RELCH: variants seen among roughly 807,000 people sequenced by gnomAD.
RELCH encodes RAB11 binding and LisH domain, coiled-coil and HEAT repeat containing.
RELCH carries 41 observed loss-of-function variants against 150.3 expected under a neutral mutation model. The observed-to-expected ratio is 0.27, with a 90% confidence interval of 0.21 to 0.35. RELCH has a LOEUF of 0.35. Ranked by LOEUF, RELCH falls within the 10% of genes least tolerant of loss-of-function variation. The pLI is 1.00. For missense variants in RELCH, 1,092 were observed against 1,467.8 expected (o/e 0.74, Z 4.18); for synonymous variants, 478 against 531.8 (o/e 0.90, Z 1.39).
intron 21 of RELCH, among the ~76,000 whole-genome samples, 169 bp from the exon 22 acceptor site, chr18:62,275,205 G>A (rs2044132373): frequency 6.6e-6 from 1 of 152,186 alleles, no homozygotes; most frequent in African/African-American, 2.4e-5. Context: ...GTGAGCCACT[G>A]CGCCTAGCCG....
chr18:62,255,599 G>C lies in RELCH; in HGVS notation c.1896+121G>C, dbSNP rs138534574. 9.0e-5 allele frequency: 65 copies of C among 722,390 alleles called. No homozygotes were observed. The African/African-American group carries it at 9.9e-4, about 11-fold the overall frequency. 44.7% of individuals were successfully genotyped at this position (722,390 alleles called of 1,614,324 possible). A position where few individuals can be genotyped will look rare whatever the true frequency, so the allele number is the denominator to read the frequency against. ...AGATGTGCTGTCTTAATAAAGAAAA[G>C]AGATGATCCAAAAAAGAGACTCACA... On this transcript the variant is annotated intron_variant, in intron 13 of 28. Transcript: ENST00000644646.
At chr18:62,250,929 A>G (rs2042671515) in intron 11 of RELCH, among the ~76,000 whole-genome samples, 1 of 152,220 alleles carries the variant, frequency 6.6e-6, no homozygotes, top group South Asian at 2.1e-4. Flanking sequence ...AACATCTATT[A>G]AAAATATACT....
At chr18:62,283,607 A>G (rs148122604) in intron 25 of RELCH, among the ~76,000 whole-genome samples, 2 of 152,340 alleles carry the variant, frequency 1.3e-5, no homozygotes, top group Non-Finnish European at 2.9e-5. Context: ...AGGCATGCAC[A>G]CTGATCAAAC....
chr18:62,256,489 T>G (rs2042997705), intron 13 of RELCH, among the ~76,000 whole-genome samples: 1 of 152,072 alleles, frequency 6.6e-6, no homozygotes, highest in South Asian at 2.1e-4. Flanking sequence ...TTATTATTTA[T>G]TGTTCCAAGA....
chr18:62,211,494 A>G (rs181792282), intron 2 of RELCH, among the ~76,000 whole-genome samples: 1 of 152,344 alleles, frequency 6.6e-6, no homozygotes, highest in Admixed American at 6.5e-5. Flanking sequence ...GCAGTTTACA[A>G]CCACACAGTT....
intron 28 of RELCH, among the ~76,000 whole-genome samples, chr18:62,299,186 T>C (rs2045553580): frequency 6.6e-6 from 1 of 152,230 alleles, no homozygotes; most frequent in African/African-American, 2.4e-5. Context: ...GTCAAAAGAA[T>C]GTCTAGAAAC....
intron 10 of RELCH, among the ~76,000 whole-genome samples, chr18:62,234,449 GT>G (rs1848592637): frequency 1.3e-5 from 2 of 151,444 alleles, no homozygotes; most frequent in Admixed American, 6.6e-5. Flanking sequence ...TAAAACTCCT[GT>G]GATTGAAGGA....
At chr18:62,228,157 T>C in intron 7 of RELCH, 148 bp from the exon 8 acceptor site, 1 of 634,586 alleles carries the variant, frequency 1.6e-6, no homozygotes, top group Non-Finnish European at 2.7e-6. Flanking sequence ...CAGTGAATAT[T>C]GCATAAAAAA....
chr18:62,292,432 A>G (rs2045200622), intron 27 of RELCH, among the ~76,000 whole-genome samples: 1 of 151,302 alleles, frequency 6.6e-6, no homozygotes, highest in Non-Finnish European at 1.5e-5. Flanking sequence ...CTCCTTTCTT[A>G]CCTCACCTTT....
chr18:62,220,174 A>G (rs1030112788), intron 2 of RELCH, among the ~76,000 whole-genome samples: 9 of 152,090 alleles, frequency 5.9e-5, no homozygotes, highest in Non-Finnish European at 1.2e-4. Flanking sequence ...ACCTCTTAAC[A>G]TGAACAAATC....
chr18:62,229,518 G>GTGTGTCTGTC lies in RELCH; in HGVS notation c.1448+923_1448+924insGTCTGTCTGT, dbSNP rs539055675. On this transcript the variant is annotated intron_variant, in intron 8 of 28. Coordinates refer to ENST00000644646, the MANE Select transcript of RELCH (RefSeq NM_001346231.2). ...TGTGTGTGTGTGTGTGTGTGTGTGT[G>GTGTGTCTGTC]TGTCTGTCTGTCTGTCTGTCTGTGT... is the stretch of plus-strand genomic sequence containing the variant. Among the ~76,000 whole-genome samples, 116 of 147,744 alleles carry GTGTGTCTGTC rather than the reference G, an allele frequency of 7.9e-4. 1 individual carries two copies. The highest frequency in any genetic ancestry group is 3.5e-3 in the Middle Eastern group (1 of 286).
chr18:62,214,678 C>T (rs1482884890), intron 2 of RELCH, among the ~76,000 whole-genome samples: 2 of 152,158 alleles, frequency 1.3e-5, no homozygotes, highest in Non-Finnish European at 2.9e-5. Context: ...ATACACTCTG[C>T]ATGTCTACAG....
rs1393775616 is a variant in RELCH, at chr18:62,206,311, G to C, written c.527-4842G>C. 2.0e-5 allele frequency among the ~76,000 whole-genome samples: 3 copies of C among 152,178 alleles called. 1 individual carries two copies. In the East Asian group the frequency reaches 5.8e-4, roughly 29 times the overall value. On this transcript the variant is annotated intron_variant, in intron 1 of 28. Transcript: ENST00000644646. Reference sequence around the variant, plus strand: ...ATTACTTAGCAGGTATAATTAAACTGCAGGGAAATTAAATGTTTCTCCAGA... The same window carrying C: ...ATTACTTAGCAGGTATAATTAAACTCCAGGGAAATTAAATGTTTCTCCAGA...
At chr18:62,270,607 G>A (rs893461627) in intron 20 of RELCH, among the ~76,000 whole-genome samples, 3 of 151,922 alleles carry the variant, frequency 2.0e-5, no homozygotes, top group Non-Finnish European at 4.4e-5. Flanking sequence ...TAAATTCAAA[G>A]TACAGCAATT....
At chr18:62,294,634 C>CT (rs199918852) in intron 27 of RELCH, among the ~76,000 whole-genome samples, 1 of 152,048 alleles carries the variant, frequency 6.6e-6, no homozygotes, top group African/African-American at 2.4e-5. Flanking sequence ...TATGACATGT[C>CT]TTTTCATATT....
chr18:62,258,224 G>A, intron 14 of RELCH, 136 bp downstream of exon 14: 2 of 823,494 alleles, frequency 2.4e-6, no homozygotes. Flanking sequence ...TCTGGGGATG[G>A]CTGCCTGGTT....
chr18:62,250,956 T>G (rs1289812696), intron 11 of RELCH, among the ~76,000 whole-genome samples: 1 of 152,192 alleles, frequency 6.6e-6, no homozygotes, highest in African/African-American at 2.4e-5. Flanking sequence ...CCCATCAGGT[T>G]TTACTGTTTT....
chr18:62,275,348 A>G, intron 21 of RELCH, 26 bp from the exon 22 acceptor site: 1 of 1,292,384 alleles, frequency 7.7e-7, no homozygotes, highest in East Asian at 2.4e-5. Context: ...CTCAATTTTA[A>G]CACTGTTTTT....
chr18:62,283,471 G>C (rs766782687), intron 25 of RELCH, among the ~76,000 whole-genome samples: 2 of 152,118 alleles, frequency 1.3e-5, no homozygotes, highest in Non-Finnish European at 2.9e-5. Flanking sequence ...TTAGTTTCTA[G>C]TACATTATTT....
Sources: allele counts gnomAD v4.1 joint callset (sites outside exome capture counted in the v4.1 genomes callset), GRCh38; gene constraint gnomAD v4.1.1; transcripts MANE v1.5; gene names NCBI Gene and HGNC (gene_info 2026-07-23, HGNC 2026-07-21).